The following RHOBTB1 variants were observed in gnomAD, a reference collection of about 807,000 sequenced individuals.
The protein encoded by RHOBTB1 is rho-related BTB domain-containing protein 1.
Under a neutral mutation model 71.6 loss-of-function variants are expected in RHOBTB1, and 40 were observed. The ratio of observed to expected loss-of-function variants is 0.56; its 90% confidence interval spans 0.43 to 0.73. The LOEUF is 0.73. Ranked by LOEUF, RHOBTB1 falls within the 30% of genes least tolerant of loss-of-function variation. RHOBTB1 has a pLI of 0.00. For missense variants in RHOBTB1, 797 were observed against 894.0 expected, an observed-to-expected ratio of 0.89 and a Z score of 1.38; for synonymous variants, 319 against 334.9, an observed-to-expected ratio of 0.95 and a Z score of 0.52.
chr10:60,982,405 G>A (rs748230289), intron 2 of RHOBTB1, among the ~76,000 whole-genome samples: 10 of 152,118 alleles, frequency 6.6e-5, no homozygotes, highest in African/African-American at 2.2e-4. Flanking sequence ...TAAGATTTTT[G>A]AGGGTGTATT....
At chr10:60,933,032 G>A (rs2084351052) in intron 2 of RHOBTB1, among the ~76,000 whole-genome samples, 1 of 152,210 alleles carries the variant, frequency 6.6e-6, no homozygotes, top group African/African-American at 2.4e-5. Flanking sequence ...TTAGGACTAG[G>A]CTATGCTTTG....
At chr10:60,900,725 C>T (rs1437566600) in intron 4 of RHOBTB1, among the ~76,000 whole-genome samples, 2 of 152,122 alleles carry the variant, frequency 1.3e-5, no homozygotes, top group Non-Finnish European at 2.9e-5. Context: ...TGAATTTAGG[C>T]TTAAAGTAAG....
At position 60,943,986 on chromosome 10, in the gene RHOBTB1, G is replaced by C. The variant is rs1340291771; in HGVS notation, c.-77C>G. The C allele has an allele frequency of 6.6e-6, 1 of 151,750 alleles. No individual in the cohort carries two copies. The highest frequency in any genetic ancestry group is 1.5e-5 in the Non-Finnish European group (1 of 67,892). 9.4% of individuals were successfully genotyped at this position (151,750 alleles called of 1,614,324 possible). On this transcript the variant is annotated 5_prime_UTR_variant, in exon 1 of 11. Transcript: ENST00000337910. ...CAGAACCTACCCTGAAGCCGAGCGA[G>C]ACGCGAGCTCTCTCCGCCTTCAAGG...
At chr10:60,974,005 AT>A (rs2086242770) in intron 2 of RHOBTB1, among the ~76,000 whole-genome samples, 1 of 152,062 alleles carries the variant, frequency 6.6e-6, no homozygotes, top group African/African-American at 2.4e-5. Context: ...AATAAATGCC[AT>A]TTGGTGTCTG....
At chr10:60,883,318 T>C (rs2081413230) in intron 7 of RHOBTB1, among the ~76,000 whole-genome samples, 1 of 152,232 alleles carries the variant, frequency 6.6e-6, no homozygotes, top group African/African-American at 2.4e-5. Flanking sequence ...GGAGAGGCCA[T>C]CAAACAACCA....
intron 2 of RHOBTB1, among the ~76,000 whole-genome samples, chr10:60,936,957 G>A (rs2084621351): frequency 6.6e-6 from 1 of 152,182 alleles, no homozygotes; most frequent in Admixed American, 6.5e-5. Context: ...TAAATTTGAA[G>A]AAGGACATCC....
intron 2 of RHOBTB1, among the ~76,000 whole-genome samples, chr10:60,923,282 G>GA: frequency 6.6e-6 from 1 of 152,058 alleles, no homozygotes; most frequent in South Asian, 2.1e-4. Context: ...TAAAACAGCA[G>GA]AAAAAAACTT....
At chr10:60,938,510 A>C (rs2084722564) in intron 2 of RHOBTB1, among the ~76,000 whole-genome samples, 1 of 152,112 alleles carries the variant, frequency 6.6e-6, no homozygotes, top group African/African-American at 2.4e-5. Context: ...CCATGATTCA[A>C]CTCTCTATGA....
At chr10:60,967,855 CT>C (rs931675890) in intron 2 of RHOBTB1, among the ~76,000 whole-genome samples, 5 of 152,188 alleles carry the variant, frequency 3.3e-5, no homozygotes, top group Middle Eastern at 6.8e-3. Context: ...TCATATTACC[CT>C]TTCATTTGTG....
chr10:60,956,768 A>G (rs2085608482), intron 2 of RHOBTB1, among the ~76,000 whole-genome samples: 1 of 151,760 alleles, frequency 6.6e-6, no homozygotes, highest in Non-Finnish European at 1.5e-5. Flanking sequence ...ATTTTGTCCC[A>G]CTGGAAAATG....
chr10:60,883,187 C>A (rs905992363), intron 7 of RHOBTB1, among the ~76,000 whole-genome samples: 1 of 152,120 alleles, frequency 6.6e-6, no homozygotes, highest in Non-Finnish European at 1.5e-5. Context: ...GGCTTGGTTC[C>A]GTGGTCTTTG....
At chr10:60,940,412 C>T (rs977163968) in intron 2 of RHOBTB1, among the ~76,000 whole-genome samples, 2 of 152,184 alleles carry the variant, frequency 1.3e-5, no homozygotes, top group African/African-American at 2.4e-5. Flanking sequence ...TCAGGCAAAA[C>T]CTGAAAAAGT....
intron 2 of RHOBTB1, among the ~76,000 whole-genome samples, chr10:60,952,064 C>A (rs541822954): frequency 6.6e-6 from 1 of 151,188 alleles, no homozygotes; most frequent in South Asian, 2.1e-4. Flanking sequence ...TCACAGCCCC[C>A]CACCCCCCCA....
chr10:60,924,682 T>C (rs2083767102), intron 2 of RHOBTB1, among the ~76,000 whole-genome samples: 1 of 152,208 alleles, frequency 6.6e-6, no homozygotes, highest in South Asian at 2.1e-4. Flanking sequence ...CATCCAACAG[T>C]TGCAGAATAC....
At chr10:60,991,248 C>T (rs2086853793) in intron 1 of RHOBTB1, among the ~76,000 whole-genome samples, 1 of 152,018 alleles carries the variant, frequency 6.6e-6, no homozygotes, top group Admixed American at 6.6e-5. Flanking sequence ...ACAGCACTCC[C>T]CACACCCCCA....
intron 4 of RHOBTB1, 105 bp downstream of exon 4, chr10:60,910,782 T>C (rs2082924773): frequency 1.9e-5 from 15 of 786,116 alleles, no homozygotes; most frequent in South Asian, 1.9e-4. Flanking sequence ...ACCCAGCACA[T>C]TTCAAGGCCA....
chr10:60,951,599 C>T (rs754600998), intron 2 of RHOBTB1, among the ~76,000 whole-genome samples: 6 of 152,150 alleles, frequency 3.9e-5, no homozygotes, highest in Non-Finnish European at 8.8e-5. Flanking sequence ...AAACATAAGC[C>T]GATGATTCCA....
At chr10:60,879,512 A>ATT (rs529044775) in intron 7 of RHOBTB1, among the ~76,000 whole-genome samples, 4 of 144,756 alleles carry the variant, frequency 2.8e-5, no homozygotes, top group African/African-American at 7.6e-5. Context: ...TATTTTATTA[A>ATT]TTTTTTTTTT....
intron 2 of RHOBTB1, among the ~76,000 whole-genome samples, chr10:60,931,724 A>G (rs1004599481): frequency 1.3e-5 from 2 of 152,298 alleles, no homozygotes; most frequent in Non-Finnish European, 2.9e-5. Flanking sequence ...TAAAGCATAG[A>G]GAGCCTGCTA....
Sources: gnomAD v4.1 joint callset for allele counts (sites outside exome capture counted in the v4.1 genomes callset) on GRCh38, gnomAD v4.1.1 for gene constraint, MANE v1.5 for transcripts, NCBI Gene and HGNC (gene_info 2026-07-23, HGNC 2026-07-21) for gene names.